ST18: variants seen among roughly 807,000 people sequenced by gnomAD.
The protein encoded by ST18 is ST18 C2H2C-type zinc finger transcription factor.
A neutral mutation model predicts 110.0 loss-of-function variants in ST18; 50 were observed. The ratio of observed to expected loss-of-function variants is 0.45; its 90% CI spans 0.36 to 0.58. The LOEUF (loss-of-function observed/expected upper bound fraction) is 0.58, where lower values mean the gene tolerates loss of function less well. Ranked by LOEUF, ST18 falls within the 20% of genes least tolerant of loss-of-function variation. The probability of loss-of-function intolerance (pLI) is 0.00; values close to 1 mark genes in which losing one functional copy is unlikely to be tolerated. For missense variants in ST18, 1,306 were observed against 1,280.1 expected (o/e 1.02, Z -0.31); for synonymous variants, 461 against 452.4 (o/e 1.02, Z -0.24).
intron 11 of ST18, 24 bp downstream of exon 11, chr8:52,166,827 GC>G: frequency 6.5e-7 from 1 of 1,540,556 alleles, no homozygotes; most frequent in South Asian, 1.2e-5. Context: ...ATAAGCAGAA[GC>G]TTTGAGGGAC....
At chr8:52,330,761 G>T (rs1808904063) in intron 2 of ST18, among the ~76,000 whole-genome samples, 1 of 152,240 alleles carries the variant, frequency 6.6e-6, no homozygotes, top group Non-Finnish European at 1.5e-5. Flanking sequence ...CGTGAACACT[G>T]TGTCTGGGCA....
chr8:52,126,602 C>A (rs756142057), intron 22 of ST18, among the ~76,000 whole-genome samples: 1 of 152,198 alleles, frequency 6.6e-6, no homozygotes, highest in Non-Finnish European at 1.5e-5. Context: ...TATAGAATGA[C>A]TCAAATTAAT....
intron 23 of ST18, among the ~76,000 whole-genome samples, chr8:52,123,823 AT>A (rs1361148796): frequency 1.3e-5 from 2 of 152,222 alleles, no homozygotes; most frequent in Non-Finnish European, 2.9e-5. Flanking sequence ...AAGCTCTATC[AT>A]AATTTGATGT....
intron 7 of ST18, among the ~76,000 whole-genome samples, chr8:52,213,593 T>C (rs780072179): frequency 6.6e-6 from 1 of 152,320 alleles, no homozygotes. Context: ...AGGGGTATTA[T>C]TGCCAGTCAA....
At chr8:52,187,133 T>C (rs1360115977) in intron 8 of ST18, among the ~76,000 whole-genome samples, 1 of 152,212 alleles carries the variant, frequency 6.6e-6, no homozygotes, top group Non-Finnish European at 1.5e-5. Flanking sequence ...ACCGAAAGTA[T>C]TTATAGACTA....
intron 8 of ST18, among the ~76,000 whole-genome samples, chr8:52,202,110 A>T (rs2078188544): frequency 6.6e-6 from 1 of 152,230 alleles, no homozygotes; most frequent in Non-Finnish European, 1.5e-5. Flanking sequence ...TTCTTATCAC[A>T]ATAAAATAAA....
Position 52,299,361 on chromosome 8 carries a change from C to G in ST18, c.-464-69284G>C, listed in dbSNP as rs1423665490. Among the ~76,000 whole-genome samples the G allele has an allele frequency of 2.6e-5, 4 of 152,258 alleles. 1 individual carries two copies. In the Middle Eastern group the frequency reaches 0.01, roughly 388 times the overall value. The stretch of plus-strand genomic sequence containing the variant: ...TTTGTCTAGTTTGTTCTCCTGTAAT[C>G]TTGAAAAACTTTCAATCACATTTTT... On this transcript the variant is annotated intron_variant, in intron 2 of 25. Transcript: ENST00000689386.
chr8:52,121,902 G>T (rs2044996879), intron 23 of ST18, among the ~76,000 whole-genome samples: 2 of 152,126 alleles, frequency 1.3e-5, no homozygotes, highest in Non-Finnish European at 2.9e-5. Flanking sequence ...CTGCAGTACA[G>T]GAGTGCAATC....
intron 2 of ST18, among the ~76,000 whole-genome samples, chr8:52,231,227 C>T (rs568626196): frequency 6.6e-6 from 1 of 152,152 alleles, no homozygotes; most frequent in Non-Finnish European, 1.5e-5. Flanking sequence ...CTTTCCATCC[C>T]ATAATGCAGA....
At chr8:52,358,947 T>C (rs1419685332) in intron 2 of ST18, among the ~76,000 whole-genome samples, 2 of 151,928 alleles carry the variant, frequency 1.3e-5, no homozygotes, top group African/African-American at 4.8e-5. Context: ...ATATCCCTTA[T>C]GAATATACAA....
At position 52,112,446 on chromosome 8, in the gene ST18, T is replaced by G. The variant is rs1470755737; in HGVS notation, c.*752A>C. The stretch of plus-strand genomic sequence containing the variant: ...CTTTAAAACATTTCAAATAAATAAT[T>G]CATATTAACGAAAACCGTCCAGCCA... On this transcript the variant is annotated 3_prime_UTR_variant, in exon 26 of 26. Transcript: ENST00000689386. 1 of 152,622 alleles carries G rather than the reference T, an allele frequency of 6.6e-6. No individual in the cohort carries two copies. The highest frequency in any genetic ancestry group is 1.5e-5 in the Non-Finnish European group (1 of 68,038). The allele number at this position is 152,622 out of a possible 1,614,324, so 9.5% of individuals were successfully genotyped here.
chr8:52,160,167 T>A (rs2061049220), intron 14 of ST18, among the ~76,000 whole-genome samples: 1 of 152,236 alleles, frequency 6.6e-6, no homozygotes, highest in Non-Finnish European at 1.5e-5. Flanking sequence ...TATGTACGTA[T>A]ATTGTGTGTA....
chr8:52,145,804 C>T (rs1461760937), intron 16 of ST18, among the ~76,000 whole-genome samples: 1 of 152,116 alleles, frequency 6.6e-6, no homozygotes, highest in African/African-American at 2.4e-5. Context: ...ATAATAGCAT[C>T]TGGCACTCTT....
chr8:52,234,592 T>C (rs1589039398), intron 2 of ST18, among the ~76,000 whole-genome samples: 1 of 152,124 alleles, frequency 6.6e-6, no homozygotes, highest in Non-Finnish European at 1.5e-5. Context: ...CTACTGGGTA[T>C]CTACCCAGAG....
intron 8 of ST18, among the ~76,000 whole-genome samples, chr8:52,202,171 A>T (rs1170079091): frequency 1.3e-5 from 2 of 152,334 alleles, no homozygotes; most frequent in East Asian, 3.9e-4. Flanking sequence ...AGAACTTAAG[A>T]ACTTGGAAGG....
chr8:52,146,226 A>G (rs1216669497), intron 16 of ST18, among the ~76,000 whole-genome samples: 1 of 152,176 alleles, frequency 6.6e-6, no homozygotes. Context: ...GGAAAGTCAC[A>G]AGAAAGGATC....
At chr8:52,215,170 T>C (rs2083682288) in intron 6 of ST18, among the ~76,000 whole-genome samples, 1 of 152,148 alleles carries the variant, frequency 6.6e-6, no homozygotes, top group South Asian at 2.1e-4. Context: ...GTGACTGCAA[T>C]GGTAATGGGA....
chr8:52,323,186 A>T (rs1296940631), intron 2 of ST18, among the ~76,000 whole-genome samples: 2 of 152,228 alleles, frequency 1.3e-5, no homozygotes, highest in Non-Finnish European at 2.9e-5. Context: ...TGAATTTTTT[A>T]AAAATCACAT....
rs186758916 is a variant in ST18 at position 52,297,187 on chromosome 8, G to T, written c.-464-67110C>A. On this transcript the variant is annotated intron_variant, in intron 2 of 25. Coordinates refer to ENST00000689386, the MANE Select transcript of ST18 (RefSeq NM_001352837.2). ...GTGCAGTGCAGCGCAGGCTGTGGGG[G>T]GTGCAGTCCGCACACAGGCTCAGAG... Among the ~76,000 whole-genome samples, 622 of 152,242 alleles carry T rather than the reference G, an allele frequency of 4.1e-3. 3 individuals carry two copies. The highest frequency in any genetic ancestry group is 0.013 in the African/African-American group (537 of 41,542).
Sources: gnomAD v4.1 joint callset for allele counts (sites outside exome capture counted in the v4.1 genomes callset) on GRCh38, gnomAD v4.1.1 for gene constraint, MANE v1.5 for transcripts, NCBI Gene and HGNC (gene_info 2026-07-23, HGNC 2026-07-21) for gene names.